Variants in FCRL2 observed in about 807,000 individuals in gnomAD.
FCRL2 encodes the protein Fc receptor-like protein 2.
A neutral mutation model predicts 59.8 loss-of-function variants in FCRL2; 48 were observed. That is an observed-to-expected ratio of 0.80 (90% CI 0.64 to 1.02). FCRL2 has a LOEUF of 1.02. Ranked by LOEUF, FCRL2 falls within the 50% of genes least tolerant of loss-of-function variation. FCRL2 has a pLI of 0.00. For missense variants in FCRL2, 658 were observed against 597.3 expected (o/e 1.10, Z -1.06); for synonymous variants, 251 against 229.5 (o/e 1.09, Z -0.85).
intron 7 of FCRL2, among the ~76,000 whole-genome samples, chr1:157,762,857 T>C (rs1421301415): frequency 6.6e-6 from 1 of 152,102 alleles, no homozygotes; most frequent in Non-Finnish European, 1.5e-5. Context: ...CCTTCATAAA[T>C]AAGGAGAAAT....
chr1:157,768,346 C>A, intron 5 of FCRL2, 68 bp downstream of exon 5: 1 of 1,523,260 alleles, frequency 6.6e-7, no homozygotes, highest in Non-Finnish European at 8.9e-7. Flanking sequence ...GAAATTTCCT[C>A]AGGACACATG....
At chr1:157,771,588 A>C (rs1312303413) in intron 2 of FCRL2, among the ~76,000 whole-genome samples, 1 of 152,182 alleles carries the variant, frequency 6.6e-6, no homozygotes, top group South Asian at 2.1e-4. Context: ...TGATCATATA[A>C]AGAAAAAAGC....
At chr1:157,770,964 C>T (rs572367570) in intron 2 of FCRL2, among the ~76,000 whole-genome samples, 11 of 152,274 alleles carry the variant, frequency 7.2e-5, no homozygotes, top group African/African-American at 2.4e-4. Context: ...GTTGTGATGA[C>T]GGCCATCTTC....
intron 8 of FCRL2, among the ~76,000 whole-genome samples, chr1:157,749,357 A>T (rs1483280262): frequency 6.6e-6 from 1 of 152,108 alleles, no homozygotes; most frequent in African/African-American, 2.4e-5. Flanking sequence ...AATATCTAAC[A>T]AAAACTTACT....
At chr1:157,758,310 G>A (rs74119544) in intron 7 of FCRL2, among the ~76,000 whole-genome samples, 2,755 of 152,216 alleles carry the variant, frequency 0.018, 69 homozygotes, top group African/African-American at 0.061. Flanking sequence ...GTAAAGAAGC[G>A]TAATATCAGA....
intron 7 of FCRL2, among the ~76,000 whole-genome samples, chr1:157,758,680 CAAAA>C (rs59716565): frequency 1.8e-5 from 1 of 55,402 alleles, no homozygotes; most frequent in Non-Finnish European, 3.4e-5. Context: ...CAGTCCCAAG[CAAAA>C]AAAAAAAAAA....
At chr1:157,748,495 C>T (rs1419659003) in intron 10 of FCRL2, 58 bp downstream of exon 10, 3 of 1,058,786 alleles carry the variant, frequency 2.8e-6, no homozygotes, top group Non-Finnish European at 4.3e-6. Flanking sequence ...CTATTGCAAA[C>T]AATGCATCAC....
chr1:157,750,258 G>A (rs1014118589), intron 7 of FCRL2, among the ~76,000 whole-genome samples: 6 of 152,162 alleles, frequency 3.9e-5, no homozygotes, highest in Non-Finnish European at 8.8e-5. Flanking sequence ...TGTGTTTAAA[G>A]AGAATCCTCA....
chr1:157,776,002 C>A lies in FCRL2; in HGVS notation c.32-207G>T, dbSNP rs536659723. Among the ~76,000 whole-genome samples, 9 of 152,254 alleles carry A rather than the reference C, an allele frequency of 5.9e-5. 1 individual carries two copies. The South Asian group carries it at 1.9e-3, about 32-fold the overall frequency. On this transcript the variant is annotated intron_variant, in intron 1 of 11. Coordinates refer to ENST00000361516, the MANE Select transcript of FCRL2 (RefSeq NM_030764.4). ...TGTAGTCAAAAGGCAAGTTGCAAACCCAATGCTTGACTAAAGGGATTGTCG... is the reference window on the plus strand; with the variant it reads ...TGTAGTCAAAAGGCAAGTTGCAAACACAATGCTTGACTAAAGGGATTGTCG...
At chr1:157,756,610 T>G (rs1356420882) in intron 7 of FCRL2, among the ~76,000 whole-genome samples, 1 of 149,132 alleles carries the variant, frequency 6.7e-6, no homozygotes, top group African/African-American at 2.5e-5. Flanking sequence ...ACTTGGGACA[T>G]CAAGCCCGCA....
chr1:157,754,160 A>G lies in FCRL2; in HGVS notation c.1280-4483T>C, dbSNP rs772099984. ...GAAACCTACTGGGCCCCATTCCCAG[A>G]CAGTTAGGCATTCTAAGTCACAGGA... On this transcript the variant is annotated intron_variant, in intron 7 of 11. Transcript: ENST00000361516. 2.6e-5 allele frequency among the ~76,000 whole-genome samples: 4 copies of G among 152,272 alleles called. No individual in the cohort carries two copies. The East Asian group carries it at 5.8e-4, about 22-fold the overall frequency.
intron 2 of FCRL2, among the ~76,000 whole-genome samples, chr1:157,771,895 T>G (rs1650048036): frequency 6.6e-6 from 1 of 152,070 alleles, no homozygotes; most frequent in African/African-American, 2.4e-5. Flanking sequence ...AAAATACTAC[T>G]GCAGAGCTAC....
intron 7 of FCRL2, among the ~76,000 whole-genome samples, chr1:157,754,553 G>A (rs894354984): frequency 2.6e-5 from 4 of 151,868 alleles, no homozygotes; most frequent in East Asian, 1.9e-4. Context: ...GTATGGACTC[G>A]TCCTGAATTC....
Position 157,767,405 on chromosome 1 carries a change from T to C in FCRL2, c.988A>G (p.Ile330Val), listed in dbSNP as rs144781687. Reference protein sequence around the residue: ...HCEALRGSPPILYQFYHEDVT... With the variant: ...HCEALRGSPPVLYQFYHEDVT... ...TCCTCATGATAAAATTGGTACAAGATTGGGGGAGAGCCTCTCAGGGCCTCA... is the reference window on the plus strand; with the variant it reads ...TCCTCATGATAAAATTGGTACAAGACTGGGGGAGAGCCTCTCAGGGCCTCA... The change falls in exon 6 of 12, where the codon ATC becomes GTC. Residue 330 changes from isoleucine (I) to valine (V), a missense_variant. Coordinates refer to ENST00000361516, the MANE Select transcript of FCRL2 (RefSeq NM_030764.4). The C allele has an allele frequency of 4.0e-5, 65 of 1,614,206 alleles. No homozygotes were observed. The highest frequency in any genetic ancestry group is 2.8e-4 in the Admixed American group (17 of 60,026).
chr1:157,764,031 A>T (rs1413076380), intron 7 of FCRL2, among the ~76,000 whole-genome samples: 1 of 92,392 alleles, frequency 1.1e-5, no homozygotes, highest in African/African-American at 3.7e-5. Context: ...CTTCATCTCA[A>T]AAAAAAAAAA....
At chr1:157,761,056 G>T (rs1298461424) in intron 7 of FCRL2, among the ~76,000 whole-genome samples, 7 of 152,326 alleles carry the variant, frequency 4.6e-5, no homozygotes, top group African/African-American at 1.7e-4. Flanking sequence ...GTAGATAAGT[G>T]TAAGAAAGCG....
chr1:157,762,758 C>T (rs1649200146), intron 7 of FCRL2, among the ~76,000 whole-genome samples: 1 of 152,184 alleles, frequency 6.6e-6, no homozygotes, highest in African/African-American at 2.4e-5. Context: ...TACACTCCAA[C>T]CTTCCAGGCC....
At position 157,748,796 on chromosome 1, in the gene FCRL2, C is replaced by T. The variant is rs573857947; in HGVS notation, c.1393+79G>A. The T allele has an allele frequency of 5.0e-6, 7 of 1,388,168 alleles. No homozygotes were observed. In the African/African-American group the frequency reaches 5.7e-5, roughly 11 times the overall value. 86.0% of individuals were successfully genotyped at this position (1,388,168 alleles called of 1,614,324 possible). On this transcript the variant is annotated intron_variant, in intron 9 of 11. Coordinates refer to ENST00000361516, the MANE Select transcript of FCRL2 (RefSeq NM_030764.4). ...CTCTGGTGTTGGGGTGTCTACACCA[C>T]CCACCTAATGGTCTCCGCTCCTGTC...
intron 7 of FCRL2, among the ~76,000 whole-genome samples, chr1:157,756,571 T>G (rs1344741018): frequency 6.6e-6 from 1 of 151,534 alleles, no homozygotes; most frequent in Non-Finnish European, 1.5e-5. Context: ...CCCATCTACT[T>G]GGGAAATTGA....
Sources: gnomAD v4.1 joint callset for allele counts (sites outside exome capture counted in the v4.1 genomes callset) on GRCh38, gnomAD v4.1.1 for gene constraint, MANE v1.5 for transcripts, NCBI Gene and HGNC (gene_info 2026-07-23, HGNC 2026-07-21) for gene names.